Variants in ADAMTS17 observed in about 807,000 individuals in gnomAD.
ADAMTS17 encodes A disintegrin and metalloproteinase with thrombospondin motifs 17.
Under a neutral mutation model 141.5 loss-of-function variants are expected in ADAMTS17, and 113 were observed. The ratio of observed to expected loss-of-function variants is 0.80; its 90% confidence interval spans 0.69 to 0.93. ADAMTS17 has a LOEUF of 0.93. Among genes scored for constraint, ADAMTS17 ranks in the 40% least tolerant of loss-of-function variants. ADAMTS17 has a pLI of 0.00. For missense variants in ADAMTS17, 1,659 were observed against 1,517.9 expected (o/e 1.09, Z -1.54); for synonymous variants, 768 against 630.6 (o/e 1.22, Z -3.27).
In ADAMTS17 at chr15:100,140,507, ATC is replaced by A. The variant is rs1555460747; in HGVS notation, c.1474-7194_1474-7193del. On this transcript the variant is annotated intron_variant, in intron 10 of 21. Transcript: ENST00000268070. ...TACATACATATATATATATATATATATCCAGTAAAGACGTGTGGAATGTATGA... is the reference window on the plus strand; with the variant it reads ...TACATACATATATATATATATATATACAGTAAAGACGTGTGGAATGTATGA... Among the ~76,000 whole-genome samples, 48 of 139,954 alleles carry A rather than the reference ATC, an allele frequency of 3.4e-4. 3 individuals carry two copies. Among genetic ancestry groups the A allele is most frequent in the South Asian group, 7.0e-4 (3 of 4,296 alleles). The allele number at this position is 139,954 out of a possible 152,430, so 91.8% of individuals were successfully genotyped here.
At chr15:100,145,640 C>T (rs1296312721) in intron 10 of ADAMTS17, among the ~76,000 whole-genome samples, 1 of 152,032 alleles carries the variant, frequency 6.6e-6, no homozygotes, top group Non-Finnish European at 1.5e-5. Flanking sequence ...ATGTCAAGAA[C>T]CCTAATGTAA....
intron 8 of ADAMTS17, among the ~76,000 whole-genome samples, chr15:100,174,046 T>C (rs1006383722): frequency 1.3e-5 from 2 of 152,182 alleles, no homozygotes; most frequent in Non-Finnish European, 2.9e-5. Context: ...AAAACACAGA[T>C]CAAGCCCCCT....
intron 15 of ADAMTS17, among the ~76,000 whole-genome samples, chr15:100,080,373 C>T (rs369425142): frequency 6.6e-6 from 1 of 152,110 alleles, no homozygotes; most frequent in Non-Finnish European, 1.5e-5. Flanking sequence ...AATCAGTCTA[C>T]TACTCCACAA....
chr15:100,009,532 C>G (rs182417624), intron 18 of ADAMTS17, among the ~76,000 whole-genome samples: 121 of 152,298 alleles, frequency 7.9e-4, no homozygotes, highest in Non-Finnish European at 1.0e-3. Context: ...CAGTTTCCTT[C>G]TTTGTGAGAT....
chr15:100,006,200 A>G (rs1159999154), intron 18 of ADAMTS17, among the ~76,000 whole-genome samples: 1 of 152,316 alleles, frequency 6.6e-6, no homozygotes, highest in African/African-American at 2.4e-5. Flanking sequence ...AATTCAATCC[A>G]TACCACAACC....
intron 19 of ADAMTS17, among the ~76,000 whole-genome samples, chr15:99,995,847 A>C (rs2060791131): frequency 6.6e-6 from 1 of 152,208 alleles, no homozygotes; most frequent in Admixed American, 6.5e-5. Context: ...GCCTGGGCTA[A>C]GCCAGAGTTA....
At chr15:100,146,955 T>C (rs996834408) in intron 10 of ADAMTS17, among the ~76,000 whole-genome samples, 1 of 152,198 alleles carries the variant, frequency 6.6e-6, no homozygotes, top group African/African-American at 2.4e-5. Context: ...ATGTTATCAA[T>C]GACAGTGGTG....
intron 1 of ADAMTS17, among the ~76,000 whole-genome samples, 162 bp from the exon 2 acceptor site, chr15:100,341,571 G>C (rs1003469652): frequency 1.3e-5 from 2 of 149,390 alleles, no homozygotes; most frequent in East Asian, 3.9e-4. Flanking sequence ...GCCACCCGGG[G>C]AGGGTCTCCG....
At chr15:100,037,394 T>G (rs2141516912) in intron 18 of ADAMTS17, among the ~76,000 whole-genome samples, 1 of 151,998 alleles carries the variant, frequency 6.6e-6, no homozygotes, top group African/African-American at 2.4e-5. Context: ...TAGTAGCTCT[T>G]TAGGTATTCC....
At chr15:99,992,492 G>A (rs1198383617) in intron 20 of ADAMTS17, among the ~76,000 whole-genome samples, 1 of 152,122 alleles carries the variant, frequency 6.6e-6, no homozygotes, top group African/African-American at 2.4e-5. Context: ...AATAAAAGAG[G>A]AGTTAAACAA....
intron 14 of ADAMTS17, 114 bp from the exon 15 acceptor site, chr15:100,096,590 C>T (rs2035774082): frequency 2.9e-6 from 4 of 1,394,830 alleles, no homozygotes; most frequent in Non-Finnish European, 4.0e-6. Flanking sequence ...GGCCTGGGGC[C>T]CTGATCCATT....
At chr15:100,037,492 C>A (rs760862379) in intron 18 of ADAMTS17, among the ~76,000 whole-genome samples, 110 of 151,822 alleles carry the variant, frequency 7.2e-4, no homozygotes, top group South Asian at 1.2e-3. Flanking sequence ...CTCACTGCAA[C>A]CTTCGCCTCT....
intron 18 of ADAMTS17, among the ~76,000 whole-genome samples, chr15:100,022,819 T>A (rs1029572824): frequency 6.6e-6 from 1 of 152,170 alleles, no homozygotes; most frequent in African/African-American, 2.4e-5. Context: ...GCTAATGAGC[T>A]ACAGAAACCA....
intron 7 of ADAMTS17, among the ~76,000 whole-genome samples, chr15:100,203,227 C>A (rs1259227057): frequency 2.0e-5 from 3 of 152,154 alleles, no homozygotes; most frequent in Non-Finnish European, 2.9e-5. Flanking sequence ...CTCTACTATA[C>A]CCCTGACAAC....
At chr15:100,261,064 G>C (rs1034805238) in intron 6 of ADAMTS17, among the ~76,000 whole-genome samples, 13 of 152,162 alleles carry the variant, frequency 8.5e-5, no homozygotes, top group Non-Finnish European at 1.5e-4. Flanking sequence ...CCCCAAAAAA[G>C]AAATGTCCAA....
intron 7 of ADAMTS17, among the ~76,000 whole-genome samples, chr15:100,223,674 C>T (rs769783595): frequency 1.1e-4 from 17 of 150,960 alleles, no homozygotes; most frequent in African/African-American, 4.2e-4. Context: ...CCCACAGACA[C>T]ACACACATAT....
chr15:100,089,752 T>G (rs2035334033), intron 15 of ADAMTS17, among the ~76,000 whole-genome samples: 1 of 148,820 alleles, frequency 6.7e-6, no homozygotes, highest in Non-Finnish European at 1.5e-5. Context: ...AAACACCGCA[T>G]GTTCTCACTC....
At chr15:100,181,125 A>C (rs1177898558) in intron 8 of ADAMTS17, among the ~76,000 whole-genome samples, 2 of 152,076 alleles carry the variant, frequency 1.3e-5, no homozygotes, top group Admixed American at 6.5e-5. Context: ...GAGTACTGCC[A>C]GGCTACCACA....
At chr15:100,175,818 G>T in intron 8 of ADAMTS17, among the ~76,000 whole-genome samples, 1 of 151,502 alleles carries the variant, frequency 6.6e-6, no homozygotes, top group East Asian at 1.9e-4. Flanking sequence ...CTTGTTGCTT[G>T]GCAAGATTCC....
Sources: allele counts gnomAD v4.1 joint callset (sites outside exome capture counted in the v4.1 genomes callset), GRCh38; gene constraint gnomAD v4.1.1; transcripts MANE v1.5; gene names NCBI Gene and HGNC (gene_info 2026-07-23, HGNC 2026-07-21).